Variants in GLIS3 observed in about 807,000 individuals in gnomAD.
The protein encoded by GLIS3 is GLIS family zinc finger 3, also known as zinc finger protein GLIS3.
GLIS3 carries 53 observed loss-of-function variants against 78.6 expected under a neutral mutation model. The observed-to-expected ratio is 0.67, with a 90% confidence interval of 0.54 to 0.85. The LOEUF (loss-of-function observed/expected upper bound fraction) is 0.85, where lower values mean the gene tolerates loss of function less well. GLIS3 is among the 40% of genes least tolerant of loss of function. The probability of loss-of-function intolerance (pLI) is 0.00; values close to 1 mark genes in which losing one functional copy is unlikely to be tolerated. For missense variants in GLIS3, 1,703 were observed against 1,231.1 expected (o/e 1.38, Z -5.74); for synonymous variants, 684 against 509.9 (o/e 1.34, Z -4.60).
intron 4 of GLIS3, among the ~76,000 whole-genome samples, chr9:4,022,677 C>T (rs1822987949): frequency 6.6e-6 from 1 of 152,132 alleles, no homozygotes; most frequent in African/African-American, 2.4e-5. Flanking sequence ...AACGGTCCCA[C>T]AGGGAAGTGG....
At chr9:3,990,008 G>GCT (rs1264518238) in intron 4 of GLIS3, among the ~76,000 whole-genome samples, 5 of 152,146 alleles carry the variant, frequency 3.3e-5, no homozygotes, top group Non-Finnish European at 4.4e-5. Flanking sequence ...GTGTACAAGG[G>GCT]CTCTCTCTGT....
upstream of GLIS3, among the ~76,000 whole-genome samples, chr9:4,304,841 C>T (rs554477631): frequency 3.7e-4 from 57 of 152,294 alleles, no homozygotes; most frequent in South Asian, 8.5e-3. Context: ...TAACTTCTTA[C>T]GATGTTAAAA....
intron 2 of GLIS3, among the ~76,000 whole-genome samples, chr9:4,134,926 C>G (rs1489648436): frequency 6.6e-6 from 1 of 152,112 alleles, no homozygotes; most frequent in Non-Finnish European, 1.5e-5. Context: ...AAGAGCTGCC[C>G]TGGACTAGGG....
intron 4 of GLIS3, among the ~76,000 whole-genome samples, chr9:3,980,368 G>A (rs974124917): frequency 6.6e-6 from 1 of 152,210 alleles, no homozygotes; most frequent in Non-Finnish European, 1.5e-5. Flanking sequence ...GTAAGTGGCA[G>A]AGCTGGGATT....
chr9:4,164,299 T>C (rs1486824042), intron 2 of GLIS3, among the ~76,000 whole-genome samples: 1 of 152,216 alleles, frequency 6.6e-6, no homozygotes, highest in Non-Finnish European at 1.5e-5. Flanking sequence ...ATCAGCATTG[T>C]CCTCCCATGC....
chr9:4,396,944 C>CT, the GLIS3 span, among the ~76,000 whole-genome samples: 1 of 151,888 alleles, frequency 6.6e-6, no homozygotes, highest in South Asian at 2.1e-4. Context: ...CACTGTTAAC[C>CT]TTTTCCTAAG....
intron 2 of GLIS3, among the ~76,000 whole-genome samples, chr9:4,159,455 A>C (rs1194935903): frequency 5.3e-5 from 8 of 152,198 alleles, no homozygotes; most frequent in Non-Finnish European, 1.0e-4. Context: ...GCAGTGGCTC[A>C]TGTCTGTAAT....
upstream of GLIS3, among the ~76,000 whole-genome samples, chr9:4,300,684 A>T (rs147997143): frequency 5.9e-3 from 895 of 151,914 alleles, 58 homozygotes; most frequent in Admixed American, 0.051. Context: ...ATCCTTATGA[A>T]TTCAACATCC....
At chr9:4,203,548 G>GA (rs1819591606) in intron 2 of GLIS3, among the ~76,000 whole-genome samples, 1 of 151,884 alleles carries the variant, frequency 6.6e-6, no homozygotes, top group Non-Finnish European at 1.5e-5. Context: ...AAAAGAAAAG[G>GA]AAAAAAACAG....
At chr9:4,237,999 C>A (rs143969143) in intron 2 of GLIS3, among the ~76,000 whole-genome samples, 71 of 152,330 alleles carry the variant, frequency 4.7e-4, no homozygotes, top group African/African-American at 1.7e-3. Context: ...AGAACTTCCT[C>A]AGAATTTCTA....
chr9:4,476,155 T>C, the GLIS3 span, among the ~76,000 whole-genome samples: 1 of 152,210 alleles, frequency 6.6e-6, no homozygotes, highest in African/African-American at 2.4e-5. Flanking sequence ...AACAAAGGGA[T>C]GAATGTAATC....
intron 2 of GLIS3, among the ~76,000 whole-genome samples, chr9:4,273,979 G>C (rs1472819957): frequency 2.0e-5 from 3 of 152,162 alleles, no homozygotes; most frequent in East Asian, 1.9e-4. Flanking sequence ...CCAAAGAAAA[G>C]AGCATGTCCT....
At chr9:4,259,269 A>ATTTATTTATTTC (rs1563848298) in intron 2 of GLIS3, among the ~76,000 whole-genome samples, 51 of 151,830 alleles carry the variant, frequency 3.4e-4, no homozygotes, top group African/African-American at 1.2e-3. Context: ...TTATTTATTT[A>ATTTATTTATTTC]TTTATATTTT....
Position 4,054,557 on chromosome 9 carries a change from G to A in GLIS3, c.1710+63211C>T, listed in dbSNP as rs903537008. 224 of 913,662 alleles carry A rather than the reference G, an allele frequency of 2.5e-4. 1 individual carries two copies. Among genetic ancestry groups the A allele is most frequent in the Non-Finnish European group, 2.9e-4 (219 of 764,718 alleles). The allele number at this position is 913,662 out of a possible 1,614,324, so 56.6% of individuals were successfully genotyped here. ...ACACAGATCTGATCAGTGCGGAGCAGGTCACAAGTCACACCAGTCACAAAG... is the reference window on the plus strand; with the variant it reads ...ACACAGATCTGATCAGTGCGGAGCAAGTCACAAGTCACACCAGTCACAAAG... On this transcript the variant is annotated intron_variant, in intron 4 of 10. Transcript: ENST00000381971.
intron 2 of GLIS3, among the ~76,000 whole-genome samples, chr9:4,133,821 C>G (rs2130948552): frequency 6.8e-6 from 1 of 146,174 alleles, no homozygotes; most frequent in South Asian, 2.3e-4. Context: ...TGCCCAAGAC[C>G]TTCTACACAC....
intron 2 of GLIS3, among the ~76,000 whole-genome samples, chr9:4,229,601 T>C (rs1822080201): frequency 6.6e-6 from 1 of 152,230 alleles, no homozygotes; most frequent in Non-Finnish European, 1.5e-5. Flanking sequence ...GTTCTCTGGA[T>C]TTATTAAGAT....
intron 4 of GLIS3, among the ~76,000 whole-genome samples, chr9:4,078,567 A>G (rs938547587): frequency 6.6e-6 from 1 of 152,336 alleles, no homozygotes; most frequent in Admixed American, 6.5e-5. Flanking sequence ...TAGCTGTCCC[A>G]TCTACAGATC....
chr9:4,296,293 A>G (rs928751077), intron 1 of GLIS3, among the ~76,000 whole-genome samples: 62 of 76,822 alleles, frequency 8.1e-4, no homozygotes, highest in African/African-American at 2.3e-3. Flanking sequence ...CAGTCAGAGG[A>G]AAAAAAAAAA....
chr9:4,017,869 A>G (rs1822566520), intron 4 of GLIS3, among the ~76,000 whole-genome samples: 1 of 152,188 alleles, frequency 6.6e-6, no homozygotes, highest in Admixed American at 6.5e-5. Context: ...CAGTCAGTTC[A>G]GTATGTAATT....
Sources: gnomAD v4.1 joint callset for allele counts (sites outside exome capture counted in the v4.1 genomes callset) on GRCh38, gnomAD v4.1.1 for gene constraint, MANE v1.5 for transcripts, NCBI Gene and HGNC (gene_info 2026-07-23, HGNC 2026-07-21) for gene names.